The following DCP1B variants were observed in gnomAD, a reference collection of about 807,000 sequenced individuals.
DCP1B encodes decapping mRNA 1B, also known as mRNA-decapping enzyme 1B.
DCP1B carries 47 observed loss-of-function variants against 60.5 expected under a neutral mutation model. The ratio of observed to expected loss-of-function variants is 0.78; its 90% CI spans 0.61 to 0.99. DCP1B has a LOEUF of 0.99. Among genes scored for constraint, DCP1B ranks in the 50% least tolerant of loss-of-function variants. The pLI is 0.00. For synonymous variants in DCP1B, 267 were observed against 280.3 expected (o/e 0.95, Z 0.47); for missense variants, 725 against 756.8 (o/e 0.96, Z 0.49).
chr12:1,967,811 G>A, intron 4 of DCP1B, 33 bp downstream of exon 4: 1 of 1,578,482 alleles, frequency 6.3e-7, no homozygotes, highest in East Asian at 2.2e-5. Context: ...AAAGCACCAG[G>A]TCCTGAAAAA....
chr12:1,974,614 A>C (rs1254500488), intron 3 of DCP1B, among the ~76,000 whole-genome samples: 1 of 152,160 alleles, frequency 6.6e-6, no homozygotes, highest in East Asian at 1.9e-4. Context: ...TTCATTATGG[A>C]AAAACAAAGG....
intron 2 of DCP1B, among the ~76,000 whole-genome samples, chr12:1,997,141 T>C (rs2041126838): frequency 6.6e-6 from 1 of 152,262 alleles, no homozygotes; most frequent in Non-Finnish European, 1.5e-5. Flanking sequence ...TTATTAAATC[T>C]ATCCTGAAAC....
At chr12:1,946,438 G>A (rs2030427085) in intron 8 of DCP1B, 152 bp from the exon 9 acceptor site, 2 of 585,226 alleles carry the variant, frequency 3.4e-6, no homozygotes, top group African/African-American at 3.8e-5. Context: ...ATGTGTGAAT[G>A]TTAAGTGGGG....
At chr12:1,998,585 T>C (rs1276894373) in intron 1 of DCP1B, among the ~76,000 whole-genome samples, 3 of 152,218 alleles carry the variant, frequency 2.0e-5, no homozygotes, top group Non-Finnish European at 4.4e-5. Flanking sequence ...TACACAAGTA[T>C]TACCAAGTTA....
rs78563698 is a variant in DCP1B, at chr12:1,996,616, TAAAAAAAAAAAAAAAAAAA to T, written c.191+1300_191+1318del. ...AATACACTAATAATAGCTGATGAGC[TAAAAAAAAAAAAAAAAAAA>T]AAAAAAAAAAAAAAAAAAAACAACA... On this transcript the variant is annotated intron_variant, in intron 2 of 8. Coordinates refer to ENST00000280665, the MANE Select transcript of DCP1B (RefSeq NM_152640.5). Among the ~76,000 whole-genome samples, 16 of 18,844 alleles carry T rather than the reference TAAAAAAAAAAAAAAAAAAA, an allele frequency of 8.5e-4. 1 individual carries two copies. The highest frequency in any genetic ancestry group is 6.5e-3 in the Admixed American group (8 of 1,228). The allele number at this position is 18,844 out of a possible 152,430, so 12.4% of individuals were successfully genotyped here. A position where few individuals can be genotyped will look rare whatever the true frequency, so the allele number is the denominator to read the frequency against.
chr12:2,003,448 C>T (rs2042647346), intron 1 of DCP1B, among the ~76,000 whole-genome samples: 1 of 152,158 alleles, frequency 6.6e-6, no homozygotes, highest in African/African-American at 2.4e-5. Context: ...TTGGACAAAA[C>T]TCATTATGAG....
intron 5 of DCP1B, among the ~76,000 whole-genome samples, chr12:1,958,512 G>A: frequency 1.4e-5 from 2 of 144,284 alleles, no homozygotes; most frequent in South Asian, 2.2e-4. Context: ...CAGGGGAAAA[G>A]CTCCCTAACG....
chr12:1,966,785 C>A (rs2031310397), intron 4 of DCP1B, among the ~76,000 whole-genome samples: 1 of 152,236 alleles, frequency 6.6e-6, no homozygotes, highest in Admixed American at 6.5e-5. Flanking sequence ...TCACCATCTG[C>A]ACCTTGAGCT....
At chr12:1,959,976 A>T (rs1565765797) in intron 5 of DCP1B, among the ~76,000 whole-genome samples, 8 of 143,902 alleles carry the variant, frequency 5.6e-5, no homozygotes, top group Non-Finnish European at 1.2e-4. Context: ...AAAAAAAAAA[A>T]TTTATGTTGG....
In DCP1B at chr12:2,004,329, C is replaced by A. The variant is rs754775292; in HGVS notation, c.103G>T (p.Ala35Ser). ...AAGGTGTACAGAGCCACCTGGCTGG[C>A]CACGTCCACGATGCGGTTGATATAG... The part of the protein sequence containing the change: ...DPYINRIVDV[A>S]SQVALYTFGH... The change falls in exon 1 of 9, where the codon GCC (alanine) becomes TCC (serine). Residue 35 changes from alanine to serine, a missense_variant. Physicochemically the swap from Ala to Ser is moderately conservative, Grantham distance 99 (BLOSUM62 1). Coordinates refer to ENST00000280665, the MANE Select transcript of DCP1B (RefSeq NM_152640.5). 1 of 1,613,328 alleles carries A rather than the reference C, an allele frequency of 6.2e-7. No individual in the cohort carries two copies. The highest frequency in any genetic ancestry group is 2.2e-5 in the East Asian group (1 of 44,852).
intron 3 of DCP1B, among the ~76,000 whole-genome samples, chr12:1,984,718 T>C (rs541084426): frequency 6.6e-6 from 1 of 150,622 alleles, no homozygotes; most frequent in East Asian, 1.9e-4. Flanking sequence ...TTCCCTTTGA[T>C]ATTATTCCTT....
At chr12:2,004,214 C>T in intron 1 of DCP1B, 68 bp downstream of exon 1, 1 of 1,591,922 alleles carries the variant, frequency 6.3e-7, no homozygotes, top group South Asian at 1.1e-5. Context: ...GTCCTCAAGT[C>T]CTGAGTCTGA....
chr12:1,972,706 A>G (rs1346561819), intron 3 of DCP1B, among the ~76,000 whole-genome samples: 4 of 152,104 alleles, frequency 2.6e-5, no homozygotes, highest in African/African-American at 7.2e-5. Flanking sequence ...GTTTTTACAT[A>G]TTGGATTGAG....
chr12:1,979,315 TTTTG>T (rs980716730), intron 3 of DCP1B, among the ~76,000 whole-genome samples: 4 of 143,354 alleles, frequency 2.8e-5, no homozygotes, highest in East Asian at 4.3e-4. Flanking sequence ...CGCCTGGATT[TTTTG>T]TTTGTTTGTC....
At chr12:1,988,524 G>A (rs546326203) in intron 3 of DCP1B, among the ~76,000 whole-genome samples, 5 of 152,274 alleles carry the variant, frequency 3.3e-5, no homozygotes, top group South Asian at 2.1e-4. Context: ...AGGAGGCAAC[G>A]CTCATGTTTG....
downstream of DCP1B, among the ~76,000 whole-genome samples, chr12:1,943,911 T>C (rs1232181030): frequency 6.6e-6 from 1 of 152,190 alleles, no homozygotes; most frequent in Middle Eastern, 3.2e-3. Context: ...AATACTCCTA[T>C]TCAACATAGT....
chr12:1,955,485 T>C lies in DCP1B; in HGVS notation c.598A>G (p.Ile200Val), dbSNP rs1378467794. Residue 200 changes from isoleucine (I) to valine (V), a missense_variant, in exon 6 of 9, where the codon ATT becomes GTT. Transcript: ENST00000280665. ...IYDNPNLIKP[I>V]PVKPSENQQQ... Reference sequence around the variant, plus strand: ...TGGTTTTCACTGGGTTTCACTGGAATTGGTTTGATGAGATTTGGATTGTCA... The same window carrying C: ...TGGTTTTCACTGGGTTTCACTGGAACTGGTTTGATGAGATTTGGATTGTCA... The C allele has an allele frequency of 5.0e-6, 8 of 1,613,960 alleles. No homozygotes were observed. The highest frequency in any genetic ancestry group is 1.3e-5 in the African/African-American group (1 of 75,030).
intron 7 of DCP1B, among the ~76,000 whole-genome samples, chr12:1,949,559 A>G (rs1341034291): frequency 1.3e-5 from 2 of 152,218 alleles, no homozygotes; most frequent in Non-Finnish European, 2.9e-5. Flanking sequence ...TTTCCACTGC[A>G]TATGCAGCTT....
At chr12:1,978,319 A>G (rs2154463073) in intron 3 of DCP1B, among the ~76,000 whole-genome samples, 1 of 152,330 alleles carries the variant, frequency 6.6e-6, no homozygotes, top group East Asian at 1.9e-4. Context: ...TGTGTTTTAG[A>G]ACAAGGACTG....
Sources: gnomAD v4.1 joint callset for allele counts (sites outside exome capture counted in the v4.1 genomes callset) on GRCh38, gnomAD v4.1.1 for gene constraint, MANE v1.5 for transcripts, NCBI Gene and HGNC (gene_info 2026-07-23, HGNC 2026-07-21) for gene names.